SMYD3: variants seen among roughly 807,000 people sequenced by gnomAD.
SMYD3 encodes histone-lysine N-methyltransferase SMYD3.
A neutral mutation model predicts 57.7 loss-of-function variants in SMYD3; 36 were observed. The ratio of observed to expected loss-of-function variants is 0.62; its 90% confidence interval spans 0.48 to 0.82. The LOEUF is 0.82. Ranked by LOEUF, SMYD3 falls within the 40% of genes least tolerant of loss-of-function variation. SMYD3 has a pLI of 0.00. For synonymous variants in SMYD3, 211 were observed against 195.0 expected (o/e 1.08, Z -0.68); for missense variants, 515 against 538.8 (o/e 0.96, Z 0.44).
chr1:245,923,943 A>G (rs2147816915), intron 7 of SMYD3, among the ~76,000 whole-genome samples: 1 of 152,374 alleles, frequency 6.6e-6, no homozygotes, highest in East Asian at 1.9e-4. Context: ...TTAGCAAATA[A>G]GATGACTAAC....
intron 5 of SMYD3, among the ~76,000 whole-genome samples, chr1:246,133,137 G>T (rs1354986319): frequency 6.6e-6 from 1 of 151,650 alleles, no homozygotes; most frequent in Admixed American, 6.6e-5. Context: ...CCATTTATGG[G>T]TATGCATCCA....
intron 10 of SMYD3, among the ~76,000 whole-genome samples, chr1:245,810,057 A>C (rs1173192264): frequency 3.3e-5 from 5 of 152,154 alleles, no homozygotes; most frequent in Admixed American, 2.6e-4. Context: ...CCATTTCACC[A>C]CCAGAAACCA....
At chr1:245,969,975 T>C (rs981960768) in intron 5 of SMYD3, among the ~76,000 whole-genome samples, 3 of 149,310 alleles carry the variant, frequency 2.0e-5, no homozygotes, top group Non-Finnish European at 4.5e-5. Flanking sequence ...AAATTTCATA[T>C]GGAGCCCAAA....
intron 1 of SMYD3, among the ~76,000 whole-genome samples, chr1:246,408,917 G>A (rs1041431558): frequency 1.2e-4 from 18 of 152,048 alleles, no homozygotes; most frequent in South Asian, 2.1e-4. Context: ...TGATCTGCCC[G>A]CTTCGGTCTC....
At chr1:245,828,899 C>T (rs938730682) in intron 10 of SMYD3, among the ~76,000 whole-genome samples, 8 of 151,908 alleles carry the variant, frequency 5.3e-5, no homozygotes, top group East Asian at 1.9e-4. Flanking sequence ...GATGGGGTTT[C>T]GCCATGTTGG....
intron 1 of SMYD3, among the ~76,000 whole-genome samples, chr1:246,459,173 G>GTCATGGTAAGATTTCC (rs2067753853): frequency 6.7e-6 from 1 of 149,412 alleles, no homozygotes; most frequent in African/African-American, 2.5e-5. Context: ...CTCCTGCTCT[G>GTCATGGTAAGATTTCC]CTGTTCTCGT....
At chr1:246,204,212 T>A (rs2148372404) in intron 5 of SMYD3, among the ~76,000 whole-genome samples, 1 of 152,296 alleles carries the variant, frequency 6.6e-6, no homozygotes, top group Middle Eastern at 3.4e-3. Context: ...ATAATCTATT[T>A]TTCCCCTATT....
At chr1:245,868,864 C>T (rs1383984608) in intron 8 of SMYD3, among the ~76,000 whole-genome samples, 5 of 152,144 alleles carry the variant, frequency 3.3e-5, no homozygotes, top group Admixed American at 1.3e-4. Context: ...CCACACCAGG[C>T]TGGAGGAAAA....
chr1:246,435,665 T>A lies in SMYD3; in HGVS notation c.164+71389A>T, dbSNP rs1409698691. 5.3e-5 allele frequency among the ~76,000 whole-genome samples: 8 copies of A among 151,424 alleles called. No homozygotes were observed. In the East Asian group the frequency reaches 1.6e-3, roughly 29 times the overall value. ...AATAGCTTGAATGAGGAAGGGGGAA[T>A]AAGGGAAGAGTAATAGCGTTGAGAC... On this transcript the variant is annotated intron_variant, in intron 1 of 11. Coordinates refer to ENST00000490107, the MANE Select transcript of SMYD3 (RefSeq NM_001167740.2).
At chr1:246,410,962 G>A (rs1268588534) in intron 1 of SMYD3, among the ~76,000 whole-genome samples, 5 of 152,180 alleles carry the variant, frequency 3.3e-5, no homozygotes, top group East Asian at 3.9e-4. Flanking sequence ...CTGCGTAGAG[G>A]TGTTTATAGT....
At chr1:246,233,687 CAATT>C (rs1407202823) in intron 5 of SMYD3, among the ~76,000 whole-genome samples, 298 of 142,894 alleles carry the variant, frequency 2.1e-3, no homozygotes, top group Non-Finnish European at 2.8e-3. Context: ...AGCACTCCTT[CAATT>C]CACACTGTGA....
chr1:245,778,931 G>T (rs75992475), intron 10 of SMYD3, among the ~76,000 whole-genome samples: 3,474 of 152,226 alleles, frequency 0.023, 168 homozygotes, highest in Admixed American at 0.1. Context: ...AGGCCGAGGC[G>T]GGTCGATCAC....
intron 5 of SMYD3, among the ~76,000 whole-genome samples, chr1:246,233,271 T>C (rs28537837): frequency 4.7e-4 from 35 of 74,692 alleles, no homozygotes; most frequent in Admixed American, 6.9e-4. Context: ...CTGTGATGAA[T>C]ATATACCACA....
intron 1 of SMYD3, among the ~76,000 whole-genome samples, chr1:246,454,997 T>C (rs2067681700): frequency 6.6e-6 from 1 of 152,186 alleles, no homozygotes; most frequent in Admixed American, 6.5e-5. Context: ...AATTTATAAC[T>C]GAAGATGTAG....
chr1:245,921,516 AG>A lies in SMYD3; in HGVS notation c.703-5877del, dbSNP rs375387218. ...ATAGCAAAGAAATAGAATCAACCTA[AG>A]TGCCCATCAACAGTGAGCTAAAAAA... On this transcript the variant is annotated intron_variant, in intron 7 of 11. Coordinates refer to ENST00000490107, the MANE Select transcript of SMYD3 (RefSeq NM_001167740.2). 2.5e-4 allele frequency among the ~76,000 whole-genome samples: 37 copies of A among 148,904 alleles called. No individual in the cohort carries two copies. The South Asian group carries it at 8.2e-3, about 33-fold the overall frequency.
chr1:246,346,672 A>T (rs2065724144), intron 2 of SMYD3, among the ~76,000 whole-genome samples: 1 of 152,166 alleles, frequency 6.6e-6, no homozygotes, highest in Non-Finnish European at 1.5e-5. Flanking sequence ...AGGATGGGGG[A>T]TACTGCCCCC....
At chr1:245,993,603 T>TAGATAGAC (rs1553382208) in intron 5 of SMYD3, among the ~76,000 whole-genome samples, 5 of 45,160 alleles carry the variant, frequency 1.1e-4, no homozygotes, top group African/African-American at 1.9e-4. Flanking sequence ...GATAGATAGA[T>TAGATAGAC]AGATAGATAG....
At chr1:246,434,059 T>G (rs1466051955) in intron 1 of SMYD3, among the ~76,000 whole-genome samples, 1 of 152,146 alleles carries the variant, frequency 6.6e-6, no homozygotes, top group Admixed American at 6.5e-5. Context: ...TGGGATAGGC[T>G]ACCTATATGC....
chr1:246,006,327 C>CG (rs1299368347), intron 5 of SMYD3, among the ~76,000 whole-genome samples: 1 of 55,108 alleles, frequency 1.8e-5, no homozygotes, highest in Non-Finnish European at 3.7e-5. Context: ...GGAGGGGCGG[C>CG]GGGGGGCGGG....
Sources: gnomAD v4.1 joint callset for allele counts (sites outside exome capture counted in the v4.1 genomes callset) on GRCh38, gnomAD v4.1.1 for gene constraint, MANE v1.5 for transcripts, NCBI Gene and HGNC (gene_info 2026-07-23, HGNC 2026-07-21) for gene names.